CSMD1: variants seen among roughly 807,000 people sequenced by gnomAD.
CSMD1 encodes CUB and sushi domain-containing protein 1.
CSMD1 carries 213 observed loss-of-function variants against 417.5 expected under a neutral mutation model. That is an observed-to-expected ratio of 0.51 (90% CI 0.46 to 0.57). The LOEUF (loss-of-function observed/expected upper bound fraction) is 0.57, where lower values mean the gene tolerates loss of function less well. CSMD1 is among the 20% of genes least tolerant of loss of function. CSMD1 has a pLI of 0.00. For missense variants in CSMD1, 6,923 were observed against 4,529.7 expected (o/e 1.53, Z -15.17); for synonymous variants, 2,862 against 1,736.8 (o/e 1.65, Z -16.11).
chr8:4,602,633 T>C (rs1800653863), intron 2 of CSMD1, among the ~76,000 whole-genome samples: 1 of 152,202 alleles, frequency 6.6e-6, no homozygotes, highest in Non-Finnish European at 1.5e-5. Flanking sequence ...GAAGGCGTAT[T>C]TTCTTATCAT....
At chr8:4,849,633 T>C (rs962718990) in intron 1 of CSMD1, among the ~76,000 whole-genome samples, 4 of 152,180 alleles carry the variant, frequency 2.6e-5, no homozygotes, top group Non-Finnish European at 4.4e-5. Flanking sequence ...AATGCTCTAA[T>C]ACACAAATAC....
At chr8:4,462,349 CTAAA>C (rs1380862840) in intron 2 of CSMD1, among the ~76,000 whole-genome samples, 4 of 151,838 alleles carry the variant, frequency 2.6e-5, no homozygotes, top group Admixed American at 6.6e-5. Context: ...AATTGAAGAC[CTAAA>C]TAAATGGAAA....
intron 3 of CSMD1, among the ~76,000 whole-genome samples, chr8:4,342,215 GTGTGTGTGT>G (rs1563074005): frequency 5.3e-5 from 1 of 18,778 alleles, no homozygotes; most frequent in Non-Finnish European, 1.0e-4. Context: ...CTGTGTGTGT[GTGTGTGTGT>G]GTGTGTGTCT....
intron 5 of CSMD1, among the ~76,000 whole-genome samples, chr8:3,926,714 CT>C (rs56721822): frequency 0.014 from 1,414 of 103,428 alleles, 7 homozygotes; most frequent in South Asian, 0.02. Context: ...AAATTGACAC[CT>C]TTTTTTTTTT....
intron 3 of CSMD1, among the ~76,000 whole-genome samples, chr8:4,370,293 T>C (rs1252294749): frequency 6.6e-6 from 1 of 152,194 alleles, no homozygotes; most frequent in Non-Finnish European, 1.5e-5. Flanking sequence ...TTTGTAAGGT[T>C]TGTGCTGAAA....
rs1798631197 is a variant in CSMD1, at chr8:3,772,356, T to TAGACATACATATGTAC, written c.819-18315_819-18314insGTACATATGTATGTCT. Among the ~76,000 whole-genome samples, 5 of 87,180 alleles carry TAGACATACATATGTAC rather than the reference T, an allele frequency of 5.7e-5. 1 individual carries two copies. The highest frequency in any genetic ancestry group is 1.3e-4 in the Non-Finnish European group (5 of 37,810). The allele number at this position is 87,180 out of a possible 152,430, so 57.2% of individuals were successfully genotyped here. On this transcript the variant is annotated intron_variant, in intron 5 of 69. Transcript: ENST00000635120. Reference sequence around the variant, plus strand: ...TTAGACATACATATATACATATATTTATATATACATATATACATATATTCA... The same window carrying TAGACATACATATGTAC: ...TTAGACATACATATATACATATATTTAGACATACATATGTACATATATACATATATACATATATTCA...
At chr8:3,210,237 C>T (rs1261489689) in intron 30 of CSMD1, among the ~76,000 whole-genome samples, 1 of 152,100 alleles carries the variant, frequency 6.6e-6, no homozygotes, top group Non-Finnish European at 1.5e-5. Context: ...ACCATCTCTG[C>T]TTTCCAGATT....
intron 3 of CSMD1, among the ~76,000 whole-genome samples, chr8:4,202,525 T>G (rs1256307572): frequency 1.3e-5 from 2 of 152,164 alleles, no homozygotes; most frequent in Admixed American, 6.5e-5. Context: ...ACTTAAAAAT[T>G]TAAAACTCTA....
chr8:4,006,880 T>A (rs1018949359), intron 4 of CSMD1, among the ~76,000 whole-genome samples: 17 of 131,760 alleles, frequency 1.3e-4, no homozygotes, highest in Non-Finnish European at 2.3e-4. Context: ...CAGGCTGGAG[T>A]GCAGTGGCGT....
intron 3 of CSMD1, among the ~76,000 whole-genome samples, chr8:4,092,065 G>A (rs1038938128): frequency 7.2e-5 from 11 of 152,124 alleles, no homozygotes; most frequent in African/African-American, 2.7e-4. Flanking sequence ...TTCATTGCTA[G>A]CACTACTTAG....
intron 2 of CSMD1, among the ~76,000 whole-genome samples, chr8:4,635,990 T>C (rs1373018380): frequency 6.6e-6 from 1 of 151,926 alleles, no homozygotes; most frequent in Non-Finnish European, 1.5e-5. Context: ...AAAATGCAAA[T>C]AAAATATATT....
At chr8:4,367,878 C>G (rs77004502) in intron 3 of CSMD1, among the ~76,000 whole-genome samples, 2 of 152,224 alleles carry the variant, frequency 1.3e-5, no homozygotes, top group Non-Finnish European at 2.9e-5. Context: ...TATAGAAATG[C>G]TACTAATTTT....
intron 3 of CSMD1, among the ~76,000 whole-genome samples, chr8:4,186,622 G>T (rs374526123): frequency 6.6e-6 from 1 of 152,046 alleles, no homozygotes; most frequent in East Asian, 1.9e-4. Context: ...ATCTTCCAGG[G>T]GCTAAGAGGC....
At chr8:3,880,374 A>G (rs1028872202) in intron 5 of CSMD1, among the ~76,000 whole-genome samples, 1 of 152,200 alleles carries the variant, frequency 6.6e-6, no homozygotes, top group Non-Finnish European at 1.5e-5. Flanking sequence ...CAATATGCCA[A>G]ATTGCCATAT....
intron 62 of CSMD1, among the ~76,000 whole-genome samples, chr8:2,960,478 G>C (rs1803360727): frequency 6.6e-6 from 1 of 152,216 alleles, no homozygotes; most frequent in Non-Finnish European, 1.5e-5. Context: ...TAACAGTGAA[G>C]TTATGGGAGT....
At chr8:3,091,377 T>G in intron 48 of CSMD1, 139 bp downstream of exon 48, 1 of 548,100 alleles carries the variant, frequency 1.8e-6, no homozygotes, top group Non-Finnish European at 2.9e-6. Flanking sequence ...TAATTACCCA[T>G]CATATATTTC....
chr8:3,760,756 C>T (rs929589835), intron 5 of CSMD1, among the ~76,000 whole-genome samples: 1 of 152,182 alleles, frequency 6.6e-6, no homozygotes, highest in Non-Finnish European at 1.5e-5. Context: ...TTTAGAAAAT[C>T]ATCAGAGAAA....
intron 10 of CSMD1, among the ~76,000 whole-genome samples, chr8:3,524,276 C>G (rs1397572419): frequency 1.3e-5 from 2 of 151,544 alleles, no homozygotes; most frequent in East Asian, 3.9e-4. Flanking sequence ...CACACACACG[C>G]ACATATACAT....
At chr8:4,976,563 T>C (rs530110354) in intron 1 of CSMD1, among the ~76,000 whole-genome samples, 1 of 152,322 alleles carries the variant, frequency 6.6e-6, no homozygotes, top group East Asian at 1.9e-4. Context: ...GACTGATTTG[T>C]TGTTAGTATG....
Sources: allele counts gnomAD v4.1 joint callset (sites outside exome capture counted in the v4.1 genomes callset), GRCh38; gene constraint gnomAD v4.1.1; transcripts MANE v1.5; gene names NCBI Gene and HGNC (gene_info 2026-07-23, HGNC 2026-07-21).